MAD1L1: variants seen among roughly 807,000 people sequenced by gnomAD.
MAD1L1 encodes mitotic arrest deficient 1 like 1, also known as mitotic spindle assembly checkpoint protein MAD1.
In MAD1L1, 95 loss-of-function variants were observed where a neutral mutation model predicts 96.9. The ratio of observed to expected loss-of-function variants is 0.98; its 90% CI spans 0.83 to 1.16. The LOEUF (loss-of-function observed/expected upper bound fraction) is 1.16. MAD1L1 is among the 50% of genes most tolerant of loss of function. The pLI is 0.00. For missense variants in MAD1L1, 1,007 were observed against 954.4 expected (o/e 1.06, Z -0.73); for synonymous variants, 473 against 396.6 (o/e 1.19, Z -2.29).
chr7:1,931,309 C>T (rs930569704), intron 17 of MAD1L1, among the ~76,000 whole-genome samples: 1 of 152,212 alleles, frequency 6.6e-6, no homozygotes, highest in African/African-American at 2.4e-5. Context: ...GCTGACACTG[C>T]GGGCACACCC....
intron 13 of MAD1L1, among the ~76,000 whole-genome samples, chr7:2,002,414 A>AT (rs1467986119): frequency 6.6e-6 from 1 of 152,202 alleles, no homozygotes; most frequent in African/African-American, 2.4e-5. Context: ...CTGACTGTGA[A>AT]TGGGGTGGAC....
At chr7:2,167,343 A>T (rs373258258) in intron 10 of MAD1L1, among the ~76,000 whole-genome samples, 2 of 149,410 alleles carry the variant, frequency 1.3e-5, no homozygotes, top group Admixed American at 1.3e-4. Flanking sequence ...CTCAGGAGAT[A>T]GAGACCATCC....
chr7:2,127,527 G>C (rs1030794402), intron 11 of MAD1L1, among the ~76,000 whole-genome samples: 3 of 152,172 alleles, frequency 2.0e-5, no homozygotes, highest in African/African-American at 7.2e-5. Context: ...CGACCGGTAG[G>C]AAAGACCAAG....
chr7:1,861,964 G>C (rs1290008977), intron 18 of MAD1L1, among the ~76,000 whole-genome samples: 1 of 152,140 alleles, frequency 6.6e-6, no homozygotes, highest in African/African-American at 2.4e-5. Flanking sequence ...AACGTAGAGG[G>C]CTGGGGTGTG....
intron 18 of MAD1L1, among the ~76,000 whole-genome samples, chr7:1,887,816 TGTGC>T (rs1365422211): frequency 3.1e-5 from 2 of 64,210 alleles, no homozygotes; most frequent in African/African-American, 6.9e-5. Context: ...CCTGTGTGTG[TGTGC>T]ATGTGTGCAT....
At chr7:2,049,122 G>A (rs1249908477) in intron 12 of MAD1L1, among the ~76,000 whole-genome samples, 3 of 152,096 alleles carry the variant, frequency 2.0e-5, no homozygotes, top group African/African-American at 2.4e-5. Context: ...TCTGTGAATC[G>A]GCTCCCCGTG....
intron 17 of MAD1L1, among the ~76,000 whole-genome samples, chr7:1,925,682 C>T (rs1470319316): frequency 1.3e-5 from 2 of 152,180 alleles, no homozygotes; most frequent in South Asian, 2.1e-4. Flanking sequence ...TTGGAGGCCA[C>T]GTTCAAACTA....
intron 3 of MAD1L1, among the ~76,000 whole-genome samples, chr7:2,227,877 G>A (rs1793985088): frequency 6.6e-6 from 1 of 152,130 alleles, no homozygotes; most frequent in Non-Finnish European, 1.5e-5. Flanking sequence ...TGCCACCTCT[G>A]CCTGGAGCTG....
At chr7:1,920,398 C>A (rs537306120) in intron 17 of MAD1L1, among the ~76,000 whole-genome samples, 1 of 152,206 alleles carries the variant, frequency 6.6e-6, no homozygotes, top group African/African-American at 2.4e-5. Context: ...CGGGGAGACT[C>A]GGCTGCCGTG....
chr7:2,059,261 T>A (rs1257428028), intron 12 of MAD1L1, among the ~76,000 whole-genome samples: 26 of 77,840 alleles, frequency 3.3e-4, no homozygotes, highest in African/African-American at 1.3e-3. Flanking sequence ...AGAGGGAGTG[T>A]GGCCAGGAGA....
intron 16 of MAD1L1, among the ~76,000 whole-genome samples, chr7:1,946,329 G>A (rs934982182): frequency 2.0e-5 from 3 of 152,196 alleles, no homozygotes; most frequent in African/African-American, 7.2e-5. Context: ...CACTGTGTGT[G>A]CCAGCAAGCA....
chr7:2,101,708 AAGTGAGCAGCCTCT>A (rs1487284297), intron 11 of MAD1L1, among the ~76,000 whole-genome samples: 1 of 152,122 alleles, frequency 6.6e-6, no homozygotes, highest in African/African-American at 2.4e-5. Context: ...CAACTTACCA[AAGTGAGCAGCCTCT>A]ATGCTGCCAC....
At chr7:2,173,862 G>A (rs1790826436) in intron 10 of MAD1L1, among the ~76,000 whole-genome samples, 1 of 152,184 alleles carries the variant, frequency 6.6e-6, no homozygotes, top group Non-Finnish European at 1.5e-5. Context: ...GCAGTGGTAT[G>A]GTCATAGCTC....
At chr7:1,902,959 G>T (rs1396920952) in intron 17 of MAD1L1, among the ~76,000 whole-genome samples, 1 of 151,904 alleles carries the variant, frequency 6.6e-6, no homozygotes, top group Non-Finnish European at 1.5e-5. Context: ...ACTGTTCCAG[G>T]CAAGCGAGGA....
intron 12 of MAD1L1, among the ~76,000 whole-genome samples, chr7:2,018,436 C>A (rs1238175817): frequency 6.6e-6 from 1 of 152,244 alleles, no homozygotes; most frequent in East Asian, 1.9e-4. Context: ...ACTACAGCTG[C>A]TCGTGAAAGA....
chr7:1,887,950 CAT>C (rs376898629), intron 18 of MAD1L1, among the ~76,000 whole-genome samples: 5,326 of 32,314 alleles, frequency 0.16, 209 homozygotes, highest in African/African-American at 0.38. Context: ...TGTGTATGCA[CAT>C]GTGTATGTGG....
intron 18 of MAD1L1, chr7:1,829,412 C>G (rs1335626061): frequency 1.3e-5 from 2 of 152,252 alleles, no homozygotes; most frequent in African/African-American, 4.8e-5. Context: ...GCGCGGCAGC[C>G]CAACCACGGA....
At chr7:1,949,525 CA>C (rs1779389933) in intron 16 of MAD1L1, among the ~76,000 whole-genome samples, 1 of 152,208 alleles carries the variant, frequency 6.6e-6, no homozygotes, top group East Asian at 1.9e-4. Context: ...ATGAGAGAAG[CA>C]AAGTGCTTCC....
At chr7:1,958,243 C>G (rs1779811428) in intron 15 of MAD1L1, among the ~76,000 whole-genome samples, 1 of 152,162 alleles carries the variant, frequency 6.6e-6, no homozygotes. Flanking sequence ...CCAGGCGACC[C>G]ATGGTGAGTT....
Sources: gnomAD v4.1 joint callset for allele counts (sites outside exome capture counted in the v4.1 genomes callset) on GRCh38, gnomAD v4.1.1 for gene constraint, MANE v1.5 for transcripts, NCBI Gene and HGNC (gene_info 2026-07-23, HGNC 2026-07-21) for gene names.